Variants in KLHL41 observed in about 807,000 individuals in gnomAD.
KLHL41 encodes the protein kelch like family member 41, also known as kelch-like protein 41.
In KLHL41, 31 loss-of-function variants were observed where a neutral mutation model predicts 49.2. The observed-to-expected ratio is 0.63, with a 90% CI of 0.47 to 0.85. The LOEUF (loss-of-function observed/expected upper bound fraction) is 0.85, where lower values mean the gene tolerates loss of function less well. Among genes scored for constraint, KLHL41 ranks in the 40% least tolerant of loss-of-function variants. The probability of loss-of-function intolerance (pLI) is 0.00; values close to 1 mark genes in which losing one functional copy is unlikely to be tolerated. For synonymous variants in KLHL41, 218 were observed against 258.5 expected, an observed-to-expected ratio of 0.84 and a Z score of 1.50; for missense variants, 663 against 726.7, an observed-to-expected ratio of 0.91 and a Z score of 1.01.
Position 169,525,809 on chromosome 2 carries a change from A to AGTT in KLHL41, c.*114_*116dup, listed in dbSNP as rs1200193618. Reference sequence around the variant, plus strand: ...ACACTCATGTAGAAATTATTCAAGAAGTTATTGTCTAAGAGATGAGCAGTA... The same window carrying AGTT: ...ACACTCATGTAGAAATTATTCAAGAAGTTGTTATTGTCTAAGAGATGAGCAGTA... On this transcript the variant is annotated 3_prime_UTR_variant, in exon 6 of 6. Transcript: ENST00000284669. 3.7e-5 allele frequency: 22 copies of AGTT among 593,064 alleles called. No individual in the cohort carries two copies. The highest frequency in any genetic ancestry group is 3.0e-5 in the Admixed American group (1 of 32,968). 36.7% of individuals were successfully genotyped at this position (593,064 alleles called of 1,614,324 possible). A position where few individuals can be genotyped will look rare whatever the true frequency, so the allele number is the denominator to read the frequency against.
chr2:169,518,118 C>G (rs1684142617), intron 3 of KLHL41, 72 bp from the exon 4 acceptor site: 9 of 1,122,888 alleles, frequency 8.0e-6, no homozygotes, highest in Non-Finnish European at 1.0e-5. Flanking sequence ...TCATGACAAG[C>G]AAAGCCAAAT....
At position 169,510,348 on chromosome 2, in the gene KLHL41, A is replaced by G. The variant is rs1161831850; in HGVS notation, c.570A>G (p.Val190=). The G allele has an allele frequency of 6.2e-7, 1 of 1,614,162 alleles. No individual in the cohort carries two copies. Among genetic ancestry groups the G allele is most frequent in the Admixed American group, 1.7e-5 (1 of 60,020 alleles). The change falls in exon 1 of 6, where the codon GTA becomes GTG. Residue 190 remains valine, a synonymous_variant. Coordinates refer to ENST00000284669, the MANE Select transcript of KLHL41 (RefSeq NM_006063.3). This position sits in a 1 kb window ranked among gnomAD's most constrained non-coding sequence, Gnocchi z 4.2. ...TCATTTCAAATGACAGCCTAAATGTAGAAAAAGAAGAAGCAGTATTTGAGG... is the reference window on the plus strand; with the variant it reads ...TCATTTCAAATGACAGCCTAAATGTGGAAAAAGAAGAAGCAGTATTTGAGG... The part of the protein sequence containing the change: ...ISVISNDSLN[V]EKEEAVFEAV...
chr2:169,525,900 ATAAAT>A lies in KLHL41; in HGVS notation c.*210_*214del, dbSNP rs1314532738. The A allele has an allele frequency of 5.4e-6, 2 of 372,190 alleles. No homozygotes were observed. Among genetic ancestry groups the A allele is most frequent in the Non-Finnish European group, 9.6e-6 (2 of 209,210 alleles). The allele number at this position is 372,190 out of a possible 1,614,324, so 23.1% of individuals were successfully genotyped here. A position where few individuals can be genotyped will look rare whatever the true frequency, so the allele number is the denominator to read the frequency against. ...CAGAGTTTAAAACCATTTTCTAATA[ATAAAT>A]TAAATCTTCAGTTGAACAAATTATT... On this transcript the variant is annotated 3_prime_UTR_variant, in exon 6 of 6. Coordinates refer to ENST00000284669, the MANE Select transcript of KLHL41 (RefSeq NM_006063.3).
Position 169,522,410 on chromosome 2 carries a change from T to A in KLHL41, c.1709+1403T>A, listed in dbSNP as rs973769245. 1.9e-4 allele frequency among the ~76,000 whole-genome samples: 29 copies of A among 151,850 alleles called. No homozygotes were observed. The East Asian group carries it at 5.0e-3, about 26-fold the overall frequency. On this transcript the variant is annotated intron_variant, in intron 5 of 5. Transcript: ENST00000284669. ...AAAAGAGGGAGAAAGAGAAAAAAAATGAGATTTCCACGGAGCAAAGAGGCT... is the reference window on the plus strand; with the variant it reads ...AAAAGAGGGAGAAAGAGAAAAAAAAAGAGATTTCCACGGAGCAAAGAGGCT...
intron 4 of KLHL41, among the ~76,000 whole-genome samples, chr2:169,519,480 T>G (rs1684166012): frequency 6.6e-6 from 1 of 152,118 alleles, no homozygotes; most frequent in African/African-American, 2.4e-5. Context: ...ACACAAAAAT[T>G]GTAAATATCT....
At chr2:169,522,883 C>G (rs568864262) in intron 5 of KLHL41, among the ~76,000 whole-genome samples, 1 of 151,586 alleles carries the variant, frequency 6.6e-6, no homozygotes, top group South Asian at 2.1e-4. Context: ...CCACCATGCC[C>G]GGCTAATTTT....
rs553091070 is a variant in KLHL41 at position 169,510,215 on chromosome 2, A to C, written c.437A>C (p.Asp146Ala). The change falls in exon 1 of 6, where the codon GAC becomes GCC. Residue 146 changes from aspartate to alanine, a missense_variant. By Grantham distance (126) the Asp-to-Ala change is moderately radical (BLOSUM62 -2). Coordinates refer to ENST00000284669, the MANE Select transcript of KLHL41 (RefSeq NM_006063.3). The surrounding 1 kb of genome is among the most constrained non-coding windows in gnomAD (Gnocchi z 4.2). ...LAILRLGLLL[D>A]CPRLAISARE... ...ATCCTAAGATTAGGACTTCTTCTTG[A>C]CTGCCCGAGACTCGCCATTTCTGCC... 36 of 1,613,840 alleles carry C rather than the reference A, an allele frequency of 2.2e-5. No individual in the cohort carries two copies. In the Middle Eastern group the frequency reaches 4.9e-4, roughly 22 times the overall value.
At chr2:169,512,866 G>C (rs1312720161) in intron 1 of KLHL41, among the ~76,000 whole-genome samples, 1 of 151,872 alleles carries the variant, frequency 6.6e-6, no homozygotes, top group Non-Finnish European at 1.5e-5. Context: ...GCTGTAAATA[G>C]ATTATGAGAA....
At chr2:169,517,287 G>A (rs1232481003) in intron 3 of KLHL41, among the ~76,000 whole-genome samples, 1 of 152,040 alleles carries the variant, frequency 6.6e-6, no homozygotes, top group Admixed American at 6.6e-5. Flanking sequence ...TCAAATTATA[G>A]ATAACTTCAA....
intron 5 of KLHL41, 91 bp downstream of exon 5, chr2:169,521,098 C>A: frequency 1.6e-6 from 2 of 1,230,354 alleles, no homozygotes; most frequent in Non-Finnish European, 2.3e-6. Context: ...CAGATTTTCC[C>A]AACATGCAAG....
intron 5 of KLHL41, among the ~76,000 whole-genome samples, chr2:169,523,518 A>T (rs1479531548): frequency 6.6e-6 from 1 of 152,100 alleles, no homozygotes; most frequent in Non-Finnish European, 1.5e-5. Flanking sequence ...GGTATTTCCT[A>T]ATTTGGGGTA....
Position 169,518,190 on chromosome 2 carries a change from A to G in KLHL41, c.1377A>G (p.Lys459=). The G allele has an allele frequency of 1.9e-6, 3 of 1,606,472 alleles. No homozygotes were observed. Among genetic ancestry groups the G allele is most frequent in the Non-Finnish European group, 2.6e-6 (3 of 1,176,398 alleles). ...GGAACATTTGTTTTTCTGTTTACAG[A>G]AAATGTACAAACAGGGTGTTTATCT... ...IYCLGGKTDD[K]KCTNRVFIFN... The change falls in exon 4 of 6, where the codon AAA becomes AAG. Residue 459 remains lysine, a splice_region_variant and synonymous_variant. Coordinates refer to ENST00000284669, the MANE Select transcript of KLHL41 (RefSeq NM_006063.3).
chr2:169,514,535 C>T, intron 1 of KLHL41, 39 bp from the exon 2 acceptor site: 1 of 1,568,146 alleles, frequency 6.4e-7, no homozygotes, highest in Non-Finnish European at 8.6e-7. Flanking sequence ...TAATTTTTTT[C>T]TAACAGGCTC....
chr2:169,520,872 T>C lies in KLHL41; in HGVS notation c.1574T>C (p.Met525Thr). 1 of 1,611,626 alleles carries C rather than the reference T, an allele frequency of 6.2e-7. No homozygotes were observed. Among genetic ancestry groups the C allele is most frequent in the South Asian group, 1.1e-5 (1 of 90,848 alleles). ...TTAATGATACCTAGATGGGATGTAA[T>C]GACCGAATTTCCCCAAGAAAGAAGC... ...FDLTTNKWDVMTEFPQERSSI... is the reference protein window; with the variant it reads ...FDLTTNKWDVTTEFPQERSSI... Residue 525 changes from methionine to threonine, a missense_variant, in exon 5 of 6, where the codon ATG becomes ACG. By Grantham distance (81) the Met-to-Thr change is moderately conservative. This residue lies in a region of KLHL41 where 528 missense variants were observed against 581.0 expected (regional missense o/e 0.91). Transcript: ENST00000284669.
chr2:169,523,833 T>C (rs1684242026), intron 5 of KLHL41, among the ~76,000 whole-genome samples: 1 of 152,146 alleles, frequency 6.6e-6, no homozygotes, highest in Admixed American at 6.5e-5. Context: ...GGGCCAGCGA[T>C]CTGTGTTTGC....
intron 4 of KLHL41, among the ~76,000 whole-genome samples, chr2:169,519,657 T>A (rs917609418): frequency 6.6e-6 from 1 of 151,568 alleles, no homozygotes; most frequent in Admixed American, 6.6e-5. Flanking sequence ...CAAACTTTTT[T>A]TTTTTTTTTT....
Position 169,525,875 on chromosome 2 carries a change from CAG to C in KLHL41, c.*182_*183del. The C allele has an allele frequency of 2.4e-6, 1 of 420,388 alleles. No homozygotes were observed. The highest frequency in any genetic ancestry group is 4.2e-6 in the Non-Finnish European group (1 of 237,480). The allele number at this position is 420,388 out of a possible 1,614,324, so 26.0% of individuals were successfully genotyped here. A position where few individuals can be genotyped will look rare whatever the true frequency, so the allele number is the denominator to read the frequency against. On this transcript the variant is annotated 3_prime_UTR_variant, in exon 6 of 6. Transcript: ENST00000284669. ...GTCATTGACTCTTCAATGTAATGATCAGAGTTTAAAACCATTTTCTAATAATA... is the reference window on the plus strand; with the variant it reads ...GTCATTGACTCTTCAATGTAATGATCAGTTTAAAACCATTTTCTAATAATA...
At chr2:169,511,105 A>G (rs1684024003) in intron 1 of KLHL41, among the ~76,000 whole-genome samples, 1 of 152,214 alleles carries the variant, frequency 6.6e-6, no homozygotes, top group Non-Finnish European at 1.5e-5. Context: ...TGAGGTTCTA[A>G]TTCATGTTTA....
At position 169,525,574 on chromosome 2, in the gene KLHL41, TC is replaced by T. The variant is rs1684290325; in HGVS notation, c.1710-9del. On this transcript the variant is annotated splice_polypyrimidine_tract_variant and intron_variant, in intron 5 of 5. Coordinates refer to ENST00000284669, the MANE Select transcript of KLHL41 (RefSeq NM_006063.3). Reference sequence around the variant, plus strand: ...AGCTGCTTATTGATTACTTTTTTTTTCCTCCATCAGGTATGAAGATGATAAA... The same window carrying T: ...AGCTGCTTATTGATTACTTTTTTTTTCTCCATCAGGTATGAAGATGATAAA... The T allele has an allele frequency of 6.6e-7, 1 of 1,524,970 alleles. No individual in the cohort carries two copies. The highest frequency in any genetic ancestry group is 9.1e-7 in the Non-Finnish European group (1 of 1,099,582). 94.5% of individuals were successfully genotyped at this position (1,524,970 alleles called of 1,614,324 possible).
Sources: allele counts gnomAD v4.1 joint callset (sites outside exome capture counted in the v4.1 genomes callset), GRCh38; gene constraint gnomAD v4.1.1; regional missense constraint gnomAD v4.1.1; non-coding constraint Gnocchi (gnomAD v3.1); transcripts MANE v1.5; gene names NCBI Gene and HGNC (gene_info 2026-07-23, HGNC 2026-07-21).